ADH1B: variants seen among roughly 807,000 people sequenced by gnomAD.
ADH1B encodes the protein alcohol dehydrogenase 1B (class I), beta polypeptide.
ADH1B carries 29 observed loss-of-function variants against 34.6 expected under a neutral mutation model. That is an observed-to-expected ratio of 0.84 (90% CI 0.62 to 1.14). ADH1B has a LOEUF of 1.14. Among genes scored for constraint, ADH1B ranks in the 50% most tolerant of loss-of-function variants. ADH1B has a pLI of 0.00. For synonymous variants in ADH1B, 170 were observed against 175.5 expected (o/e 0.97, Z 0.25); for missense variants, 424 against 468.4 (o/e 0.91, Z 0.87).
intron 1 of ADH1B, chr4:99,319,708 G>T (rs1163208473): frequency 6.6e-6 from 1 of 152,158 alleles, no homozygotes; most frequent in African/African-American, 2.4e-5. Flanking sequence ...TATATTTCTA[G>T]TGCTTGGCAG....
chr4:99,319,087 T>C, intron 1 of ADH1B: 1 of 716,792 alleles, frequency 1.4e-6, no homozygotes, highest in South Asian at 1.5e-5. Context: ...ATAAACAAAG[T>C]ATAATAAGAC....
rs56951572 is a variant in ADH1B, at chr4:99,305,561, G to GTATATA, written c.*2273_*2278dup. 3 of 49,366 alleles carry GTATATA rather than the reference G, an allele frequency of 6.1e-5. No homozygotes were observed. Among genetic ancestry groups the GTATATA allele is most frequent in the Non-Finnish European group, 1.1e-4 (3 of 26,696 alleles). The allele number at this position is 49,366 out of a possible 1,614,324, so 3.1% of individuals were successfully genotyped here. On this transcript the variant is annotated 3_prime_UTR_variant, in exon 9 of 9. Transcript: ENST00000305046. The stretch of plus-strand genomic sequence containing the variant: ...CTATATGAACCACTTGCCCCATAGT[G>GTATATA]TATATATATATATATATATATATAT...
chr4:99,318,583 G>T, intron 2 of ADH1B: 1 of 560,362 alleles, frequency 1.8e-6, no homozygotes, highest in Non-Finnish European at 3.0e-6. Flanking sequence ...GTATTTTACT[G>T]GAATTATACT....
rs1195042870 is a variant in ADH1B at position 99,309,176 on chromosome 4, TTCTAA to T, written c.1104-1317_1104-1313del. Among the ~76,000 whole-genome samples the T allele has an allele frequency of 1.8e-3, 277 of 152,218 alleles. 2 individuals are homozygous for T. Among genetic ancestry groups the T allele is most frequent in the Admixed American group, 3.8e-3 (58 of 15,288 alleles). ...GTTGAACTTTAGAATGTTTCTAAAG[TTCTAA>T]CAAGTAAACATATATGCATGTTTGA... On this transcript the variant is annotated intron_variant, in intron 8 of 8. Coordinates refer to ENST00000305046, the MANE Select transcript of ADH1B (RefSeq NM_000668.6).
intron 8 of ADH1B, chr4:99,310,402 G>A (rs1733720516): frequency 4.8e-6 from 2 of 417,042 alleles, no homozygotes. Flanking sequence ...GCTTTATATA[G>A]GTAGAAGGAA....
intron 5 of ADH1B, chr4:99,315,509 A>G (rs944181257): frequency 1.4e-5 from 4 of 296,190 alleles, no homozygotes; most frequent in South Asian, 3.3e-5. Context: ...CACAGACTAG[A>G]TGGTCCTCAA....
At chr4:99,321,289 C>T (rs1190695193) in intron 1 of ADH1B, 25 bp downstream of exon 1, 1 of 1,580,948 alleles carries the variant, frequency 6.3e-7, no homozygotes. Flanking sequence ...AATATATTAC[C>T]AACAGTAATA....
intron 8 of ADH1B, among the ~76,000 whole-genome samples, chr4:99,310,108 T>C (rs558832449): frequency 1.3e-5 from 2 of 152,290 alleles, no homozygotes; most frequent in South Asian, 2.1e-4. Context: ...TTCATTTTAA[T>C]AGCTGGTTGT....
rs1034679685 is a variant in ADH1B at position 99,310,632 on chromosome 4, A to G, written c.1103+133T>C. 1.0e-5 allele frequency: 13 copies of G among 1,251,952 alleles called. No individual in the cohort carries two copies. In the African/African-American group the frequency reaches 2.0e-4, roughly 19 times the overall value. The allele number at this position is 1,251,952 out of a possible 1,614,324, so 77.6% of individuals were successfully genotyped here. On this transcript the variant is annotated intron_variant, in intron 8 of 8. Coordinates refer to ENST00000305046, the MANE Select transcript of ADH1B (RefSeq NM_000668.6). ...CACAGTATGATCCTACATACGCTCC[A>G]TGCAAAGACTGAACTGGTAATGGAA... is the stretch of plus-strand genomic sequence containing the variant.
rs1439495602 is a variant in ADH1B, at chr4:99,316,224, A to C, written c.338T>G (p.Leu113Trp). The C allele has an allele frequency of 1.2e-6, 2 of 1,614,194 alleles. No individual in the cohort carries two copies. Among genetic ancestry groups the C allele is most frequent in the Non-Finnish European group, 1.7e-6 (2 of 1,180,026 alleles). ...AGCATCAGAAACCTACTCATTTTTC[A>C]AGCAGTAGTTGCTCTCCGGGTTTTT... ...VCKNPESNYC[L>W]KNDLGNPRGT... Residue 113 changes from leucine to tryptophan, a missense_variant, in exon 4 of 9, where the codon TTG becomes TGG. By Grantham distance (61) the Leu-to-Trp change is moderately conservative. Around this residue, in one of 3 missense-constraint regions of ADH1B, gnomAD observed 291 missense variants for 300.4 expected, o/e 0.97. Coordinates refer to ENST00000305046, the MANE Select transcript of ADH1B (RefSeq NM_000668.6).
In ADH1B at chr4:99,315,906, C is replaced by G; in HGVS notation, c.559G>C (p.Val187Leu). 1 of 1,614,220 alleles carries G rather than the reference C, an allele frequency of 6.2e-7. No individual in the cohort carries two copies. Among genetic ancestry groups the G allele is most frequent in the South Asian group, 1.1e-5 (1 of 91,080 alleles). ...CCCATTGTCATTCTCACCTTGGCAACGTTAACTGCAGACCCATAACCAGTC... is the reference window on the plus strand; with the variant it reads ...CCCATTGTCATTCTCACCTTGGCAAGGTTAACTGCAGACCCATAACCAGTC... ...FSTGYGSAVN[V>L]AKVTPGSTCA... Residue 187 changes from valine (V) to leucine (L), a missense_variant, in exon 5 of 9, where the codon GTT becomes CTT. Transcript: ENST00000305046.
At position 99,304,989 on chromosome 4, in the gene ADH1B, T is replaced by G. The variant is rs1560524095; in HGVS notation, c.*2851A>C. On this transcript the variant is annotated 3_prime_UTR_variant, in exon 9 of 9. Transcript: ENST00000305046. ...TAAGCAGTAATATCTCATTTTGCTT[T>G]ATTTTTTTTTTTGATCACACCAAGG... 1 of 152,008 alleles carries G rather than the reference T, an allele frequency of 6.6e-6. No individual in the cohort carries two copies. The highest frequency in any genetic ancestry group is 1.9e-4 in the East Asian group (1 of 5,186). 9.4% of individuals were successfully genotyped at this position (152,008 alleles called of 1,614,324 possible). A position where few individuals can be genotyped will look rare whatever the true frequency, so the allele number is the denominator to read the frequency against.
chr4:99,318,289 T>C (rs1215985477), intron 2 of ADH1B, 105 bp from the exon 3 acceptor site: 1 of 1,463,228 alleles, frequency 6.8e-7, no homozygotes, highest in African/African-American at 1.4e-5. Flanking sequence ...ATTTGAGGGT[T>C]TTGCTACTAA....
In ADH1B at chr4:99,305,742, C is replaced by T. The variant is rs1733597650; in HGVS notation, c.*2098G>A. On this transcript the variant is annotated 3_prime_UTR_variant, in exon 9 of 9. Coordinates refer to ENST00000305046, the MANE Select transcript of ADH1B (RefSeq NM_000668.6). ...CACTCTATGACAACACTGGCAGAGC[C>T]CACCTAATGGCTCCCACTCTACCTG... 6.6e-6 allele frequency: 1 copy of T among 151,548 alleles called. No homozygotes were observed. The highest frequency in any genetic ancestry group is 2.4e-5 in the African/African-American group (1 of 41,176). 9.4% of individuals were successfully genotyped at this position (151,548 alleles called of 1,614,324 possible).
intron 3 of ADH1B, 41 bp from the exon 4 acceptor site, chr4:99,316,343 A>G: frequency 1.3e-6 from 2 of 1,572,146 alleles, no homozygotes; most frequent in Non-Finnish European, 1.7e-6. Context: ...ATTTCTATGC[A>G]GTAATTAATA....
chr4:99,313,702 A>G (rs1396770549), intron 6 of ADH1B, 119 bp downstream of exon 6: 2 of 1,550,002 alleles, frequency 1.3e-6, no homozygotes, highest in African/African-American at 1.4e-5. Flanking sequence ...CAAACAGATG[A>G]TGGGAAATTT....
chr4:99,304,991 T>A lies in ADH1B; in HGVS notation c.*2849A>T, dbSNP rs1285419749. ...AGCAGTAATATCTCATTTTGCTTTATTTTTTTTTTTGATCACACCAAGGCT... is the reference window on the plus strand; with the variant it reads ...AGCAGTAATATCTCATTTTGCTTTAATTTTTTTTTTGATCACACCAAGGCT... On this transcript the variant is annotated 3_prime_UTR_variant, in exon 9 of 9. Transcript: ENST00000305046. 6.8e-6 allele frequency: 1 copy of A among 146,184 alleles called. No individual in the cohort carries two copies. Among genetic ancestry groups the A allele is most frequent in the Non-Finnish European group, 1.5e-5 (1 of 66,364 alleles). 9.1% of individuals were successfully genotyped at this position (146,184 alleles called of 1,614,324 possible). A position where few individuals can be genotyped will look rare whatever the true frequency, so the allele number is the denominator to read the frequency against.
chr4:99,316,070 G>T lies in ADH1B; in HGVS notation c.395C>A (p.Thr132Asn). 1 of 1,614,216 alleles carries T rather than the reference G, an allele frequency of 6.2e-7. No homozygotes were observed. Among genetic ancestry groups the T allele is most frequent in the South Asian group, 1.1e-5 (1 of 91,084 alleles). The change falls in exon 5 of 9, where the codon ACC becomes AAC. Residue 132 changes from threonine to asparagine, a missense_variant. This residue lies in a region of ADH1B where 291 missense variants were observed against 300.4 expected (regional missense o/e 0.97). Coordinates refer to ENST00000305046, the MANE Select transcript of ADH1B (RefSeq NM_000668.6). ...GTLQDGTRRF[T>N]CRGKPIHHFL... is the part of the protein sequence containing the mutation. The stretch of plus-strand genomic sequence containing the variant: ...GTGGTGAATGGGCTTCCCCCTGCAG[G>T]TGAACCTCCTGGTGCCATCCTGCAG...
rs1288305910 is a variant in ADH1B, at chr4:99,305,766, T to TC, written c.*2073_*2074insG. ...CCCACCTAATGGCTCCCACTCTACC[T>TC]GCTCCCCGAACCTGGGAGGAAGGCG... On this transcript the variant is annotated 3_prime_UTR_variant, in exon 9 of 9. Transcript: ENST00000305046. 7.9e-5 allele frequency: 12 copies of TC among 151,576 alleles called. No individual in the cohort carries two copies. Among genetic ancestry groups the TC allele is most frequent in the Admixed American group, 2.6e-4 (4 of 15,230 alleles). 9.4% of individuals were successfully genotyped at this position (151,576 alleles called of 1,614,324 possible). A position where few individuals can be genotyped will look rare whatever the true frequency, so the allele number is the denominator to read the frequency against.
Sources: allele counts gnomAD v4.1 joint callset (sites outside exome capture counted in the v4.1 genomes callset), GRCh38; gene constraint gnomAD v4.1.1; regional missense constraint gnomAD v4.1.1; transcripts MANE v1.5; gene names NCBI Gene and HGNC (gene_info 2026-07-23, HGNC 2026-07-21).